Variants in BIRC6 observed in about 807,000 individuals in gnomAD.
BIRC6 encodes baculoviral IAP repeat containing 6.
A neutral mutation model predicts 503.3 loss-of-function variants in BIRC6; 98 were observed. The ratio of observed to expected loss-of-function variants is 0.19; its 90% CI spans 0.17 to 0.23. The LOEUF is 0.23. BIRC6 is among the 10% of genes least tolerant of loss of function. The pLI, the probability that BIRC6 is intolerant of heterozygous loss-of-function variation, is 1.00. For synonymous variants in BIRC6, 2,240 were observed against 2,078.7 expected, an observed-to-expected ratio of 1.08 and a Z score of -2.11; for missense variants, 5,360 against 5,806.0, an observed-to-expected ratio of 0.92 and a Z score of 2.50.
intron 26 of BIRC6, among the ~76,000 whole-genome samples, chr2:32,467,278 C>G (rs1299323373): frequency 6.6e-6 from 1 of 152,188 alleles, no homozygotes; most frequent in Non-Finnish European, 1.5e-5. Context: ...ACTAGAGGCA[C>G]TTGCCACTGT....
chr2:32,574,948 A>C, intron 65 of BIRC6: 1 of 577,364 alleles, frequency 1.7e-6, no homozygotes, highest in East Asian at 3.0e-5. Context: ...GGGTTTCTAC[A>C]TGTTGGTCAG....
At chr2:32,434,048 T>C (rs1475832955) in intron 13 of BIRC6, among the ~76,000 whole-genome samples, 2 of 152,218 alleles carry the variant, frequency 1.3e-5, no homozygotes, top group African/African-American at 4.8e-5. Flanking sequence ...GAAGTGAGAT[T>C]AGTTCCTTTG....
At chr2:32,523,486 A>G (rs1426823679) in intron 57 of BIRC6, 4 of 152,178 alleles carry the variant, frequency 2.6e-5, no homozygotes, top group Non-Finnish European at 5.9e-5. Flanking sequence ...CTGTGTCAGT[A>G]TGTTTGCCAT....
chr2:32,384,226 A>G (rs2038113043), intron 3 of BIRC6, among the ~76,000 whole-genome samples: 2 of 152,206 alleles, frequency 1.3e-5, no homozygotes, highest in Non-Finnish European at 2.9e-5. Context: ...GGTTGATTCA[A>G]AGCATATGCT....
At chr2:32,476,799 C>T (rs1349252808) in intron 34 of BIRC6, among the ~76,000 whole-genome samples, 1 of 152,070 alleles carries the variant, frequency 6.6e-6, no homozygotes, top group Non-Finnish European at 1.5e-5. Flanking sequence ...TCTTTGGGTC[C>T]AGTGGTGCTC....
At chr2:32,360,415 C>A (rs2033876762) in intron 1 of BIRC6, among the ~76,000 whole-genome samples, 2 of 152,078 alleles carry the variant, frequency 1.3e-5, no homozygotes, top group Admixed American at 6.6e-5. Flanking sequence ...GTATTTGCTC[C>A]CTGTCAGTAT....
At chr2:32,426,319 A>G (rs1217257896) in intron 10 of BIRC6, among the ~76,000 whole-genome samples, 3 of 152,228 alleles carry the variant, frequency 2.0e-5, no homozygotes, top group African/African-American at 4.8e-5. Flanking sequence ...ACCCAACAGA[A>G]TGGCCGGGTG....
Position 32,467,900 on chromosome 2 carries a change from C to T in BIRC6, c.5572-3C>T, listed in dbSNP as rs901840814. On this transcript the variant is annotated splice_region_variant and splice_polypyrimidine_tract_variant and intron_variant, in intron 27 of 73. Coordinates refer to ENST00000421745, the MANE Select transcript of BIRC6 (RefSeq NM_016252.4). ...TATGTATATTTATAATTTTTCATTT[C>T]AGATCACTGTTATTGGACGTTACGG... 2.5e-6 allele frequency: 4 copies of T among 1,607,940 alleles called. No individual in the cohort carries two copies. The African/African-American group carries it at 5.4e-5, about 22-fold the overall frequency.
intron 68 of BIRC6, among the ~76,000 whole-genome samples, chr2:32,596,503 T>C (rs911558933): frequency 6.6e-6 from 1 of 151,288 alleles, no homozygotes; most frequent in Non-Finnish European, 1.5e-5. Context: ...TGACCTTTAT[T>C]ATCTCACTCT....
intron 50 of BIRC6, 80 bp downstream of exon 50, chr2:32,505,285 C>A: frequency 8.5e-7 from 1 of 1,174,766 alleles, no homozygotes; most frequent in Non-Finnish European, 1.2e-6. Flanking sequence ...GTTTAGTAAG[C>A]GGAAATACAC....
At chr2:32,426,580 G>C (rs1441179416) in intron 10 of BIRC6, among the ~76,000 whole-genome samples, 2 of 152,156 alleles carry the variant, frequency 1.3e-5, no homozygotes, top group Non-Finnish European at 1.5e-5. Context: ...CTCCAGCCTG[G>C]GCAACAGAGC....
intron 62 of BIRC6, 118 bp downstream of exon 62, chr2:32,543,659 G>A: frequency 1.0e-6 from 1 of 981,696 alleles, no homozygotes; most frequent in Middle Eastern, 3.3e-4. Flanking sequence ...TAGATGATTT[G>A]TAAGTGGTAG....
intron 57 of BIRC6, among the ~76,000 whole-genome samples, chr2:32,524,146 A>G (rs1174872687): frequency 6.6e-6 from 1 of 152,150 alleles, no homozygotes; most frequent in East Asian, 1.9e-4. Context: ...TTAATAACTA[A>G]ATCACATTAT....
chr2:32,613,678 T>G (rs1040628887), intron 73 of BIRC6, among the ~76,000 whole-genome samples: 7 of 152,182 alleles, frequency 4.6e-5, no homozygotes, highest in African/African-American at 1.7e-4. Context: ...ATTAGATCAT[T>G]TCAGTATAAG....
At chr2:32,470,080 C>A in intron 30 of BIRC6, 88 bp from the exon 31 acceptor site, 1 of 1,115,546 alleles carries the variant, frequency 9.0e-7, no homozygotes, top group Non-Finnish European at 1.2e-6. Flanking sequence ...TCTATCATTA[C>A]TCTGTTAAAT....
At chr2:32,500,420 A>ATT (rs368668031) in intron 46 of BIRC6, among the ~76,000 whole-genome samples, 31,502 of 140,350 alleles carry the variant, frequency 0.22, 3,634 homozygotes, top group Admixed American at 0.29. Context: ...CACCCAGCTA[A>ATT]TTTTTTTTTT....
intron 44 of BIRC6, among the ~76,000 whole-genome samples, chr2:32,493,118 A>G (rs1482789032): frequency 1.3e-5 from 2 of 151,712 alleles, no homozygotes; most frequent in Non-Finnish European, 2.9e-5. Context: ...TGTTAGAAAC[A>G]TGACCTTTTA....
At chr2:32,456,126 A>C (rs977295570) in intron 23 of BIRC6, among the ~76,000 whole-genome samples, 1 of 152,136 alleles carries the variant, frequency 6.6e-6, no homozygotes, top group African/African-American at 2.4e-5. Context: ...ACTTCCATTT[A>C]TTTCTTCCTC....
intron 8 of BIRC6, among the ~76,000 whole-genome samples, chr2:32,405,343 T>G (rs2041077826): frequency 6.6e-6 from 1 of 152,234 alleles, no homozygotes; most frequent in Admixed American, 6.5e-5. Flanking sequence ...AGCATTAAAT[T>G]GGTTTATGGG....
Sources: gnomAD v4.1 joint callset for allele counts (sites outside exome capture counted in the v4.1 genomes callset) on GRCh38, gnomAD v4.1.1 for gene constraint, MANE v1.5 for transcripts, NCBI Gene and HGNC (gene_info 2026-07-23, HGNC 2026-07-21) for gene names.